The following RPS6KA3 variants were observed in gnomAD, a reference collection of about 807,000 sequenced individuals.
RPS6KA3 encodes ribosomal protein S6 kinase alpha-3.
RPS6KA3 carries 4 observed loss-of-function variants against 67.2 expected under a neutral mutation model. The observed-to-expected ratio is 0.06, with a 90% confidence interval of 0.03 to 0.14. RPS6KA3 has a LOEUF of 0.14. RPS6KA3 is among the 10% of genes least tolerant of loss of function. RPS6KA3 has a pLI of 1.00. For missense variants in RPS6KA3, 204 were observed against 559.0 expected (o/e 0.36, Z 6.40); for synonymous variants, 182 against 183.7 (o/e 0.99, Z 0.07).
intron 1 of RPS6KA3, among the ~76,000 whole-genome samples, chrX:20,245,039 T>A (rs982424832): frequency 1.8e-5 from 2 of 112,019 alleles, no homozygotes; most frequent in African/African-American, 6.5e-5. Flanking sequence ...AACTGGTGTA[T>A]CCTTGGAAAA....
At chrX:20,167,506 T>G in intron 17 of RPS6KA3, 83 bp downstream of exon 17, 1 of 917,723 alleles carries the variant, frequency 1.1e-6, no homozygotes, top group East Asian at 3.1e-5. Flanking sequence ...ATTTCAGGCA[T>G]AAAGTAATTT....
chrX:20,185,978 T>G (rs1014264445), intron 10 of RPS6KA3, among the ~76,000 whole-genome samples: 1 of 112,265 alleles, frequency 8.9e-6, no homozygotes, highest in Non-Finnish European at 1.9e-5. Context: ...CTCGCTCTGT[T>G]GCCCAGGATG....
rs1266187246 is a variant in RPS6KA3 at position 20,206,673 on chromosome X, G to A, written c.244-2570C>T. Among the ~76,000 whole-genome samples, 3 of 112,240 alleles carry A rather than the reference G, an allele frequency of 2.7e-5. No homozygotes were observed. In the Admixed American group the frequency reaches 2.8e-4, roughly 11 times the overall value. ...AAACAAATGAAAAACTGCAATTGTG[G>A]CAAGTGCCATGAAGATGACGTATGT... On this transcript the variant is annotated intron_variant, in intron 3 of 21. Transcript: ENST00000379565.
At chrX:20,176,968 A>T in intron 11 of RPS6KA3, 28 bp downstream of exon 11, 1 of 1,035,088 alleles carries the variant, frequency 9.7e-7, no homozygotes, top group Non-Finnish European at 1.4e-6. Context: ...CAAACATACA[A>T]CATAAACAAA....
Position 20,158,152 on chromosome X carries a change from C to G in RPS6KA3, c.1960-1903G>C, listed in dbSNP as rs767213925. ...GGCCAAAGTGGGAGGCTCACTTGAC[C>G]CCAGGAGTTCGAGACCAGCCTGGGC... On this transcript the variant is annotated intron_variant, in intron 20 of 21. Coordinates refer to ENST00000379565, the MANE Select transcript of RPS6KA3 (RefSeq NM_004586.3). Among the ~76,000 whole-genome samples the G allele has an allele frequency of 9.2e-5, 10 of 108,338 alleles. No individual in the cohort carries two copies. In the Admixed American group the frequency reaches 1.0e-3, roughly 11 times the overall value. 94.1% of individuals were successfully genotyped at this position (108,338 alleles called of 115,157 possible).
chrX:20,245,223 G>A (rs749302842), intron 1 of RPS6KA3, among the ~76,000 whole-genome samples: 3 of 111,905 alleles, frequency 2.7e-5, no homozygotes, highest in African/African-American at 9.7e-5. Flanking sequence ...AAAGTTTTAC[G>A]ATCTTCTATA....
At position 20,151,921 on chromosome X, in the gene RPS6KA3, A is replaced by G. The variant is rs2067109615; in HGVS notation, c.*3477T>C. 1 of 111,878 alleles carries G rather than the reference A, an allele frequency of 8.9e-6. No homozygotes were observed. The highest frequency in any genetic ancestry group is 3.3e-5 in the African/African-American group (1 of 30,677). The allele number at this position is 111,878 out of a possible 1,213,427, so 9.2% of individuals were successfully genotyped here. A position where few individuals can be genotyped will look rare whatever the true frequency, so the allele number is the denominator to read the frequency against. ...CTCTTGAAGCCTTTGCTCTGTTCAA[A>G]TCTTTCCTGGGCTGAAGGTGCAGGG... On this transcript the variant is annotated 3_prime_UTR_variant, in exon 22 of 22. Transcript: ENST00000379565.
At chrX:20,221,297 TAAA>T (rs1391288671) in intron 2 of RPS6KA3, among the ~76,000 whole-genome samples, 2 of 112,041 alleles carry the variant, frequency 1.8e-5, no homozygotes, top group African/African-American at 6.5e-5. Flanking sequence ...TTTCCATCTC[TAAA>T]ATTTCTTAAA....
At chrX:20,253,072 A>T (rs745475915) in intron 1 of RPS6KA3, among the ~76,000 whole-genome samples, 13 of 110,148 alleles carry the variant, frequency 1.2e-4, no homozygotes, top group African/African-American at 4.0e-4. Flanking sequence ...CTTGAAGTGG[A>T]ATGAGGGAAA....
At chrX:20,252,931 G>C (rs1268666360) in intron 1 of RPS6KA3, among the ~76,000 whole-genome samples, 1 of 111,026 alleles carries the variant, frequency 9.0e-6, no homozygotes, top group African/African-American at 3.3e-5. Flanking sequence ...GGTGAGGGTA[G>C]AGTATGGATT....
At chrX:20,248,644 A>G (rs941838544) in intron 1 of RPS6KA3, among the ~76,000 whole-genome samples, 3 of 111,300 alleles carry the variant, frequency 2.7e-5, no homozygotes, top group African/African-American at 9.8e-5. Flanking sequence ...CACCATGCCC[A>G]GCTAATTTTT....
chrX:20,221,051 T>C (rs1276153460), intron 2 of RPS6KA3, among the ~76,000 whole-genome samples: 1 of 112,481 alleles, frequency 8.9e-6, no homozygotes, highest in African/African-American at 3.2e-5. Flanking sequence ...AATTGCTTTA[T>C]TCAGGTGTTA....
chrX:20,242,214 G>A (rs2069569238), intron 1 of RPS6KA3, among the ~76,000 whole-genome samples: 1 of 111,864 alleles, frequency 8.9e-6, no homozygotes, highest in Non-Finnish European at 1.9e-5. Flanking sequence ...AGAGGTAGTG[G>A]GAGAAGCCAA....
chrX:20,231,722 A>C (rs1430718976), intron 2 of RPS6KA3, among the ~76,000 whole-genome samples: 1 of 111,553 alleles, frequency 9.0e-6, no homozygotes. Flanking sequence ...TTGGAGTGGG[A>C]TGGTCCCAAT....
Position 20,157,340 on chromosome X carries a change from ATT to A in RPS6KA3, c.1960-1093_1960-1092del, listed in dbSNP as rs11318737. 9.8e-4 allele frequency among the ~76,000 whole-genome samples: 98 copies of A among 99,864 alleles called. No individual in the cohort carries two copies. The South Asian group carries it at 0.012, about 12-fold the overall frequency. The allele number at this position is 99,864 out of a possible 115,157, so 86.7% of individuals were successfully genotyped here. A position where few individuals can be genotyped will look rare whatever the true frequency, so the allele number is the denominator to read the frequency against. Reference sequence around the variant, plus strand: ...AACATTGTGAGGTCCTGTATCTACAATTTTTTTTTTTTTTAAAGCTGAGTGTG... The same window carrying A: ...AACATTGTGAGGTCCTGTATCTACAATTTTTTTTTTTTAAAGCTGAGTGTG... On this transcript the variant is annotated intron_variant, in intron 20 of 21. Transcript: ENST00000379565.
intron 3 of RPS6KA3, among the ~76,000 whole-genome samples, chrX:20,208,414 G>A (rs2068625369): frequency 9.0e-6 from 1 of 111,532 alleles, no homozygotes; most frequent in African/African-American, 3.3e-5. Context: ...GAAAAACACT[G>A]ATAAAGATGT....
intron 17 of RPS6KA3, among the ~76,000 whole-genome samples, chrX:20,165,987 G>C (rs1297758346): frequency 8.9e-6 from 1 of 111,754 alleles, no homozygotes; most frequent in Non-Finnish European, 1.9e-5. Flanking sequence ...ATTAGGCACA[G>C]TAAGAGATTA....
intron 1 of RPS6KA3, among the ~76,000 whole-genome samples, chrX:20,247,954 T>C (rs1047530217): frequency 3.6e-5 from 4 of 111,914 alleles, no homozygotes; most frequent in African/African-American, 1.3e-4. Context: ...TTTTTTCAAA[T>C]TGTTCTTTAA....
At chrX:20,180,075 C>G (rs937371939) in intron 10 of RPS6KA3, among the ~76,000 whole-genome samples, 1 of 109,257 alleles carries the variant, frequency 9.2e-6, no homozygotes, top group African/African-American at 3.3e-5. Flanking sequence ...GGCAACAGAG[C>G]AAGACCTCAT....
Sources: gnomAD v4.1 joint callset for allele counts (sites outside exome capture counted in the v4.1 genomes callset) on GRCh38, gnomAD v4.1.1 for gene constraint, MANE v1.5 for transcripts, NCBI Gene and HGNC (gene_info 2026-07-23, HGNC 2026-07-21) for gene names.